Variants in POLA1 observed in about 807,000 individuals in gnomAD.
POLA1 encodes the protein DNA polymerase alpha 1, catalytic subunit.
Under a neutral mutation model 124.0 loss-of-function variants are expected in POLA1, and 15 were observed. The observed-to-expected ratio is 0.12, with a 90% confidence interval of 0.08 to 0.19. The LOEUF (loss-of-function observed/expected upper bound fraction) is 0.19. Ranked by LOEUF, POLA1 falls within the 10% of genes least tolerant of loss-of-function variation. POLA1 has a pLI of 1.00. For missense variants in POLA1, 886 were observed against 1,103.4 expected, an observed-to-expected ratio of 0.80 and a Z score of 2.79; for synonymous variants, 408 against 389.4, an observed-to-expected ratio of 1.05 and a Z score of -0.56.
chrX:24,896,598 A>G (rs773361933), intron 35 of POLA1, among the ~76,000 whole-genome samples: 6 of 111,906 alleles, frequency 5.4e-5, no homozygotes, highest in African/African-American at 1.6e-4. Flanking sequence ...CAGGGAAGCT[A>G]AAAGATTGGA....
At chrX:24,898,302 G>T (rs904646787) in intron 35 of POLA1, among the ~76,000 whole-genome samples, 1 of 112,085 alleles carries the variant, frequency 8.9e-6, no homozygotes, top group Non-Finnish European at 1.9e-5. Flanking sequence ...TTCAAAGCGA[G>T]TCCATTTATC....
At chrX:24,892,138 T>C (rs1422634945) in intron 35 of POLA1, among the ~76,000 whole-genome samples, 1 of 110,902 alleles carries the variant, frequency 9.0e-6, no homozygotes, top group East Asian at 2.8e-4. Flanking sequence ...TTCTCAGATA[T>C]TTCATTCATA....
intron 26 of POLA1, among the ~76,000 whole-genome samples, chrX:24,791,269 G>A (rs2045490934): frequency 1.8e-5 from 2 of 111,695 alleles, no homozygotes; most frequent in Non-Finnish European, 3.8e-5. Context: ...TCCTAGATGA[G>A]GTAGGAGATG....
intron 35 of POLA1, among the ~76,000 whole-genome samples, chrX:24,914,900 A>G (rs1470674743): frequency 1.8e-5 from 2 of 112,245 alleles, no homozygotes; most frequent in East Asian, 5.6e-4. Context: ...AAGGGAGATT[A>G]TTTAAAAACA....
chrX:24,935,964 A>G (rs1220841196), intron 36 of POLA1, among the ~76,000 whole-genome samples: 2 of 112,754 alleles, frequency 1.8e-5, no homozygotes, highest in East Asian at 5.6e-4. Flanking sequence ...GTAACATGTT[A>G]GTGTGTGTTA....
chrX:24,817,690 G>A (rs2046015642), intron 30 of POLA1, among the ~76,000 whole-genome samples: 1 of 109,498 alleles, frequency 9.1e-6, no homozygotes, highest in Admixed American at 9.8e-5. Context: ...AAGAATTTCT[G>A]CAGTGTTGAT....
chrX:24,873,454 T>G lies in POLA1; in HGVS notation c.4048-14552T>G, dbSNP rs768076324. The stretch of plus-strand genomic sequence containing the variant: ...CGTTATAATAGTAATAGTAAGAGAC[T>G]GAAGACAACCTGTTGTTGATCAGGA... On this transcript the variant is annotated intron_variant, in intron 34 of 36. Coordinates refer to ENST00000379068, the MANE Select transcript of POLA1 (RefSeq NM_001330360.2). Among the ~76,000 whole-genome samples, 97 of 112,153 alleles carry G rather than the reference T, an allele frequency of 8.6e-4. 1 individual carries two copies. The highest frequency in any genetic ancestry group is 3.0e-3 in the African/African-American group (94 of 30,914).
rs201577552 is a variant in POLA1 at position 24,742,169 on chromosome X, C to G, written c.2466+48C>G. The G allele has an allele frequency of 3.2e-4, 261 of 824,012 alleles. 2 individuals carry two copies. The East Asian group carries it at 6.7e-3, about 21-fold the overall frequency. 67.9% of individuals were successfully genotyped at this position (824,012 alleles called of 1,213,427 possible). Reference sequence around the variant, plus strand: ...TTTTGTTTTCTCTTAACCCCCCCCCCCCTTTTAATACCTAGATAGCCTTTT... The same window carrying G: ...TTTTGTTTTCTCTTAACCCCCCCCCGCCTTTTAATACCTAGATAGCCTTTT... On this transcript the variant is annotated intron_variant, in intron 22 of 36. Coordinates refer to ENST00000379068, the MANE Select transcript of POLA1 (RefSeq NM_001330360.2).
intron 26 of POLA1, among the ~76,000 whole-genome samples, chrX:24,751,110 G>A (rs1932298695): frequency 8.9e-6 from 1 of 111,932 alleles, no homozygotes; most frequent in Non-Finnish European, 1.9e-5. Context: ...ATTGGATCAA[G>A]GTTACTCTTA....
chrX:24,845,723 G>T (rs922471388), intron 34 of POLA1, among the ~76,000 whole-genome samples: 2 of 112,180 alleles, frequency 1.8e-5, no homozygotes, highest in Non-Finnish European at 3.8e-5. Flanking sequence ...GATATTGATA[G>T]TAAGTATTGA....
At chrX:24,753,379 G>C (rs944692500) in intron 26 of POLA1, among the ~76,000 whole-genome samples, 1 of 101,432 alleles carries the variant, frequency 9.9e-6, no homozygotes, top group Non-Finnish European at 2.0e-5. Flanking sequence ...AAGAAACAGG[G>C]TCTCACTTTC....
intron 12 of POLA1, among the ~76,000 whole-genome samples, chrX:24,724,887 T>C (rs1253290097): frequency 8.9e-6 from 1 of 112,256 alleles, no homozygotes; most frequent in East Asian, 2.8e-4. Context: ...ATGTGCTAGT[T>C]ATGATACATT....
In POLA1 at chrX:24,733,774, C is replaced by T. The variant is rs762241766; in HGVS notation, c.1791C>T (p.Asp597=). The T allele has an allele frequency of 5.3e-6, 6 of 1,136,043 alleles. No homozygotes were observed. In the South Asian group the frequency reaches 7.8e-5, roughly 15 times the overall value. The allele number at this position is 1,136,043 out of a possible 1,213,427, so 93.6% of individuals were successfully genotyped here. A position where few individuals can be genotyped will look rare whatever the true frequency, so the allele number is the denominator to read the frequency against. ...SHFCVVSKPK[D]CIFPYAFKEV... ...TTACAGTTGTGTCTAAACCAAAGGA[C>T]TGTATTTTTCCATATGCTTTCAAAG... The change falls in exon 17 of 37, where the codon GAC becomes GAT. Residue 597 remains aspartate (D), a synonymous_variant. Coordinates refer to ENST00000379068, the MANE Select transcript of POLA1 (RefSeq NM_001330360.2).
chrX:24,993,310 A>T (rs2048556705), intron 36 of POLA1, among the ~76,000 whole-genome samples: 1 of 112,309 alleles, frequency 8.9e-6, no homozygotes, highest in South Asian at 3.8e-4. Context: ...AGCAGTTACC[A>T]GGGCCAGTGG....
intron 4 of POLA1, among the ~76,000 whole-genome samples, chrX:24,710,791 C>T (rs2952534): frequency 0.1 from 10,777 of 106,713 alleles, 557 homozygotes; most frequent in Middle Eastern, 0.19. Context: ...CTCAGCCTCC[C>T]AAGTAGCTGG....
At chrX:24,979,786 CTGAG>C (rs2048401563) in intron 36 of POLA1, among the ~76,000 whole-genome samples, 1 of 112,222 alleles carries the variant, frequency 8.9e-6, no homozygotes, top group Non-Finnish European at 1.9e-5. Context: ...CTGCAGTTGG[CTGAG>C]CAGACCCACA....
intron 26 of POLA1, among the ~76,000 whole-genome samples, chrX:24,793,965 GTTTC>G (rs780942861): frequency 2.3e-4 from 25 of 110,308 alleles, no homozygotes; most frequent in Non-Finnish European, 4.0e-4. Flanking sequence ...ATGCCCTTTT[GTTTC>G]TTTTTCTTTT....
intron 35 of POLA1, among the ~76,000 whole-genome samples, chrX:24,894,149 G>T (rs758154306): frequency 1.8e-5 from 2 of 111,849 alleles, no homozygotes; most frequent in Non-Finnish European, 3.8e-5. Context: ...AAATTGAGGA[G>T]CCCAAAACTG....
At chrX:24,973,081 T>G (rs1208437608) in intron 36 of POLA1, among the ~76,000 whole-genome samples, 1 of 111,817 alleles carries the variant, frequency 8.9e-6, no homozygotes, top group Non-Finnish European at 1.9e-5. Flanking sequence ...TCTGGCTGGG[T>G]GCAGTGGCTC....
Sources: allele counts gnomAD v4.1 joint callset (sites outside exome capture counted in the v4.1 genomes callset), GRCh38; gene constraint gnomAD v4.1.1; transcripts MANE v1.5; gene names NCBI Gene and HGNC (gene_info 2026-07-23, HGNC 2026-07-21).